The following MLANA variants were observed in gnomAD, a reference collection of about 807,000 sequenced individuals.
MLANA encodes the protein melan-A.
MLANA carries 21 observed loss-of-function variants against 15.7 expected under a neutral mutation model. That is an observed-to-expected ratio of 1.33 (90% CI 0.95 to 1.92). The LOEUF is 1.92. Ranked by LOEUF, MLANA falls within the 40% of genes most tolerant of loss-of-function variation. The pLI is 0.00. For missense variants in MLANA, 164 were observed against 143.8 expected, an observed-to-expected ratio of 1.14 and a Z score of -0.72; for synonymous variants, 56 against 51.5, an observed-to-expected ratio of 1.09 and a Z score of -0.37.
chr9:5,896,474 C>T (rs1832031486), intron 2 of MLANA, among the ~76,000 whole-genome samples: 1 of 152,176 alleles, frequency 6.6e-6, no homozygotes, highest in African/African-American at 2.4e-5. Flanking sequence ...CTTGATGTCT[C>T]CTCAGCCTTG....
chr9:5,897,683 T>C (rs1191176247), intron 3 of MLANA, 30 bp downstream of exon 3: 1 of 1,573,594 alleles, frequency 6.4e-7, no homozygotes, highest in Non-Finnish European at 8.7e-7. Context: ...CTGAAATCCC[T>C]CCAAGTCCAG....
intron 4 of MLANA, among the ~76,000 whole-genome samples, chr9:5,907,610 A>T (rs1832901865): frequency 6.6e-6 from 1 of 152,382 alleles, no homozygotes; most frequent in African/African-American, 2.4e-5. Flanking sequence ...AAATATTTTA[A>T]GATTAATTTT....
At chr9:5,892,954 A>G (rs537128482) in intron 2 of MLANA, among the ~76,000 whole-genome samples, 1 of 152,320 alleles carries the variant, frequency 6.6e-6, no homozygotes, top group Non-Finnish European at 1.5e-5. Flanking sequence ...GGAGCCAGTA[A>G]GGATGACGGG....
Position 5,907,010 on chromosome 9 carries a change from T to C in MLANA, c.288+12T>C. On this transcript the variant is annotated intron_variant, in intron 4 of 4. Transcript: ENST00000381477. Reference sequence around the variant, plus strand: ...ACTGTGAACCTGTGGTAGGTTAAGATCCTTCATAAGGGTATTTTCATGAAT... The same window carrying C: ...ACTGTGAACCTGTGGTAGGTTAAGACCCTTCATAAGGGTATTTTCATGAAT... The C allele has an allele frequency of 6.5e-7, 1 of 1,536,344 alleles. No homozygotes were observed.
intron 2 of MLANA, among the ~76,000 whole-genome samples, chr9:5,893,280 T>G (rs1275860336): frequency 1.3e-5 from 2 of 152,094 alleles, no homozygotes; most frequent in Non-Finnish European, 2.9e-5. Context: ...AGGGACATAC[T>G]CTGTACGTGC....
Position 5,902,372 on chromosome 9 carries a change from C to A in MLANA, c.175-4513C>A, listed in dbSNP as rs527560237. 7.9e-5 allele frequency among the ~76,000 whole-genome samples: 12 copies of A among 152,234 alleles called. No individual in the cohort carries two copies. In the East Asian group the frequency reaches 2.3e-3, roughly 29 times the overall value. On this transcript the variant is annotated intron_variant, in intron 3 of 4. Coordinates refer to ENST00000381477, the MANE Select transcript of MLANA (RefSeq NM_005511.2). ...TAGTTTGTGCCTTTTTATTTCTTAG[C>A]CTAGCTAAAGGCTTATCAATTTTAT...
At chr9:5,903,323 T>C (rs1832570198) in intron 3 of MLANA, among the ~76,000 whole-genome samples, 1 of 152,228 alleles carries the variant, frequency 6.6e-6, no homozygotes, top group Non-Finnish European at 1.5e-5. Context: ...CCTACAGATG[T>C]CTATTATATC....
intron 2 of MLANA, among the ~76,000 whole-genome samples, chr9:5,897,119 G>A (rs1335887317): frequency 6.6e-6 from 1 of 152,342 alleles, no homozygotes. Context: ...ATAAGCTAAT[G>A]AATGTTTAGC....
intron 2 of MLANA, among the ~76,000 whole-genome samples, 166 bp downstream of exon 2, chr9:5,892,717 GC>G (rs979348966): frequency 1.5e-4 from 23 of 152,322 alleles, no homozygotes; most frequent in Non-Finnish European, 2.5e-4. Context: ...TCTATAAGGG[GC>G]TCAGTCAAGC....
chr9:5,891,856 G>A (rs982558703), intron 1 of MLANA, among the ~76,000 whole-genome samples: 1 of 152,236 alleles, frequency 6.6e-6, no homozygotes, highest in Non-Finnish European at 1.5e-5. Flanking sequence ...GGGACAGGCT[G>A]AAGCCCCTGT....
At position 5,906,863 on chromosome 9, in the gene MLANA, C is replaced by A. The variant is rs774129856; in HGVS notation, c.175-22C>A. 3 of 1,477,782 alleles carry A rather than the reference C, an allele frequency of 2.0e-6. No homozygotes were observed. The South Asian group carries it at 3.8e-5, about 19-fold the overall frequency. The allele number at this position is 1,477,782 out of a possible 1,614,324, so 91.5% of individuals were successfully genotyped here. ...TCAGTTACTTCTTCTCACCCACTCA[C>A]CTTTATCAATTTACATTTCAGGATA... is the stretch of plus-strand genomic sequence containing the variant. On this transcript the variant is annotated intron_variant, in intron 3 of 4. Transcript: ENST00000381477.
intron 3 of MLANA, among the ~76,000 whole-genome samples, chr9:5,906,127 G>A (rs1351775238): frequency 4.0e-5 from 6 of 151,446 alleles, no homozygotes; most frequent in African/African-American, 1.2e-4. Context: ...GAGGCAGGAG[G>A]ATTGCTTGAG....
At chr9:5,898,880 T>G (rs1242531529) in intron 3 of MLANA, 2 of 152,240 alleles carry the variant, frequency 1.3e-5, no homozygotes, top group Admixed American at 1.3e-4. Context: ...TTGTGTGTTT[T>G]TTAACAGGCT....
At chr9:5,900,394 CTTATT>C (rs1832337358) in intron 3 of MLANA, among the ~76,000 whole-genome samples, 1 of 151,920 alleles carries the variant, frequency 6.6e-6, no homozygotes, top group Admixed American at 6.6e-5. Flanking sequence ...ATATTAAAAT[CTTATT>C]TTGAGATTTT....
rs768795850 is a variant in MLANA, at chr9:5,908,759, G to A, written c.*51G>A. 1.3e-6 allele frequency: 2 copies of A among 1,544,234 alleles called. No homozygotes were observed. Among genetic ancestry groups the A allele is most frequent in the South Asian group, 2.2e-5 (2 of 89,396 alleles). On this transcript the variant is annotated 3_prime_UTR_variant, in exon 5 of 5. Coordinates refer to ENST00000381477, the MANE Select transcript of MLANA (RefSeq NM_005511.2). ...CTGAAATTATTTCTCTCACACTTTTGCTTGAATTTAATACAGACATCTAAT... is the reference window on the plus strand; with the variant it reads ...CTGAAATTATTTCTCTCACACTTTTACTTGAATTTAATACAGACATCTAAT...
intron 2 of MLANA, 116 bp downstream of exon 2, chr9:5,892,667 C>G (rs947198958): frequency 1.9e-5 from 14 of 756,678 alleles, no homozygotes; most frequent in Non-Finnish European, 2.5e-5. Context: ...TCTCCCCAGA[C>G]AGTAACATCC....
chr9:5,908,535 A>G, intron 4 of MLANA, 105 bp from the exon 5 acceptor site: 1 of 983,728 alleles, frequency 1.0e-6, no homozygotes, highest in Non-Finnish European at 1.6e-6. Flanking sequence ...TAGAAATTTC[A>G]GTCCACAGGG....
chr9:5,907,641 G>A (rs1832903672), intron 4 of MLANA, among the ~76,000 whole-genome samples: 1 of 152,074 alleles, frequency 6.6e-6, no homozygotes, highest in Admixed American at 6.6e-5. Context: ...TCTTTTAAAT[G>A]TAGCTACTAG....
intron 2 of MLANA, among the ~76,000 whole-genome samples, chr9:5,896,083 T>C (rs1831994065): frequency 6.6e-6 from 1 of 152,222 alleles, no homozygotes; most frequent in African/African-American, 2.4e-5. Flanking sequence ...GAGACCTGGA[T>C]CTGGCCCAAA....
Sources: allele counts gnomAD v4.1 joint callset (sites outside exome capture counted in the v4.1 genomes callset), GRCh38; gene constraint gnomAD v4.1.1; transcripts MANE v1.5; gene names NCBI Gene and HGNC (gene_info 2026-07-23, HGNC 2026-07-21).